Variants in ARHGAP8 observed in about 807,000 individuals in gnomAD.
The protein encoded by ARHGAP8 is Rho GTPase activating protein 8, also known as rho GTPase-activating protein 8.
ARHGAP8 carries 62 observed loss-of-function variants against 46.1 expected under a neutral mutation model. That is an observed-to-expected ratio of 1.34 (90% CI 1.10 to 1.66). The LOEUF is 1.66. Ranked by LOEUF, ARHGAP8 falls within the 40% of genes most tolerant of loss-of-function variation. ARHGAP8 has a pLI of 0.00. For missense variants in ARHGAP8, 923 were observed against 568.4 expected (o/e 1.62, Z -6.34); for synonymous variants, 375 against 243.1 (o/e 1.54, Z -5.05).
chr22:44,807,702 G>T, intron 3 of ARHGAP8, among the ~76,000 whole-genome samples: 1 of 152,228 alleles, frequency 6.6e-6, no homozygotes, highest in East Asian at 1.9e-4. Flanking sequence ...AGTTCTGGAT[G>T]CCAGAAGTTC....
chr22:44,769,627 T>C (rs1258088577), intron 1 of ARHGAP8, among the ~76,000 whole-genome samples: 1 of 152,210 alleles, frequency 6.6e-6, no homozygotes, highest in Admixed American at 6.5e-5. Flanking sequence ...CCCTTTACTT[T>C]TTTTCAACAA....
intron 11 of ARHGAP8, among the ~76,000 whole-genome samples, chr22:44,861,944 G>C (rs553131981): frequency 6.6e-6 from 1 of 152,286 alleles, no homozygotes; most frequent in South Asian, 2.1e-4. Context: ...AGGTCACCAA[G>C]TTCGTACCGT....
intron 1 of ARHGAP8, among the ~76,000 whole-genome samples, chr22:44,772,975 T>C (rs1396557798): frequency 6.6e-6 from 1 of 152,084 alleles, no homozygotes; most frequent in Non-Finnish European, 1.5e-5. Flanking sequence ...TGCACTACCA[T>C]GCCCAGCTAA....
chr22:44,833,695 T>C (rs1220795497), intron 7 of ARHGAP8, among the ~76,000 whole-genome samples: 1 of 152,220 alleles, frequency 6.6e-6, no homozygotes, highest in African/African-American at 2.4e-5. Context: ...AAGTGTTTCC[T>C]CCTCTTCTAT....
intron 2 of ARHGAP8, among the ~76,000 whole-genome samples, chr22:44,795,869 G>A (rs1389003856): frequency 6.6e-6 from 1 of 152,016 alleles, no homozygotes. Flanking sequence ...CACCCCAGGT[G>A]GCACCGCAGC....
chr22:44,856,307 T>C (rs1306601740), intron 10 of ARHGAP8, among the ~76,000 whole-genome samples: 1 of 133,064 alleles, frequency 7.5e-6, no homozygotes, highest in African/African-American at 2.9e-5. Flanking sequence ...AGTCTCACTC[T>C]GTTGCCCAGG....
intron 1 of ARHGAP8, among the ~76,000 whole-genome samples, chr22:44,761,541 A>G (rs1925132880): frequency 6.6e-6 from 1 of 152,192 alleles, no homozygotes; most frequent in Admixed American, 6.5e-5. Flanking sequence ...ATATTTCAGC[A>G]GGGGCTTGAG....
rs546867509 is a variant in ARHGAP8 at position 44,796,873 on chromosome 22, A to C, written c.80-5204A>C. 2.6e-5 allele frequency among the ~76,000 whole-genome samples: 4 copies of C among 152,214 alleles called. No homozygotes were observed. The South Asian group carries it at 8.3e-4, about 31-fold the overall frequency. ...TGTAGGAACCCCTAGATTTGTAGGC[A>C]GCTTGTCAGATGCGTGGGTGGCCTT... On this transcript the variant is annotated intron_variant, in intron 2 of 11. Transcript: ENST00000356099.
intron 1 of ARHGAP8, chr22:44,766,005 A>T (rs1925529166): frequency 6.6e-6 from 1 of 152,282 alleles, no homozygotes; most frequent in African/African-American, 2.4e-5. Flanking sequence ...CGCCTGGAGA[A>T]GGCAGGCCCA....
intron 7 of ARHGAP8, among the ~76,000 whole-genome samples, chr22:44,831,498 C>G (rs934834937): frequency 4.6e-5 from 7 of 150,664 alleles, no homozygotes; most frequent in Non-Finnish European, 8.9e-5. Flanking sequence ...GAGTTCAAGA[C>G]CAGCCTTACC....
At chr22:44,811,974 G>A (rs1240237650) in intron 4 of ARHGAP8, among the ~76,000 whole-genome samples, 1 of 148,570 alleles carries the variant, frequency 6.7e-6, no homozygotes, top group East Asian at 2.0e-4. Context: ...TCCATCCTGG[G>A]CAACAGAGTG....
chr22:44,759,533 G>C lies in ARHGAP8; in HGVS notation c.-72+6906G>C, dbSNP rs561880201. Among the ~76,000 whole-genome samples the C allele has an allele frequency of 7.2e-5, 11 of 152,344 alleles. No individual in the cohort carries two copies. In the South Asian group the frequency reaches 1.5e-3, roughly 20 times the overall value. On this transcript the variant is annotated intron_variant, in intron 1 of 11. Transcript: ENST00000356099. ...GAGATCAGGTGTGGCTTGATCAGGGGTTAGCTATTCCCTTCATTCTCTGTG... is the reference window on the plus strand; with the variant it reads ...GAGATCAGGTGTGGCTTGATCAGGGCTTAGCTATTCCCTTCATTCTCTGTG...
At chr22:44,791,148 A>G (rs1011190302) in intron 2 of ARHGAP8, among the ~76,000 whole-genome samples, 1 of 151,098 alleles carries the variant, frequency 6.6e-6, no homozygotes, top group Non-Finnish European at 1.5e-5. Flanking sequence ...ACTAATTGGA[A>G]CAAGAGGACC....
intron 7 of ARHGAP8, among the ~76,000 whole-genome samples, chr22:44,842,597 C>G (rs1470898337): frequency 6.6e-6 from 1 of 152,118 alleles, no homozygotes. Context: ...AGAGGAAAGT[C>G]CCTCATCCTA....
chr22:44,862,091 G>C (rs1359186444), intron 11 of ARHGAP8, among the ~76,000 whole-genome samples, 184 bp from the exon 12 acceptor site: 1 of 152,190 alleles, frequency 6.6e-6, no homozygotes, highest in Non-Finnish European at 1.5e-5. Flanking sequence ...CTTCCTTTTA[G>C]AGATAGGGTA....
At chr22:44,858,262 G>C (rs866437057) in intron 10 of ARHGAP8, among the ~76,000 whole-genome samples, 3 of 152,174 alleles carry the variant, frequency 2.0e-5, no homozygotes, top group African/African-American at 2.4e-5. Context: ...GGAGGATGTG[G>C]GTACACAGTA....
At chr22:44,824,639 T>C (rs915775426) in intron 6 of ARHGAP8, among the ~76,000 whole-genome samples, 19 of 150,430 alleles carry the variant, frequency 1.3e-4, no homozygotes, top group Non-Finnish European at 2.5e-4. Flanking sequence ...CTTTTCTTTT[T>C]TTTTTTTTTT....
At chr22:44,808,176 T>G (rs902760911) in intron 3 of ARHGAP8, 131 bp from the exon 4 acceptor site, 14 of 1,388,908 alleles carry the variant, frequency 1.0e-5, no homozygotes, top group Non-Finnish European at 1.4e-5. Context: ...GGGCCCACGG[T>G]GCATGGAGTC....
intron 11 of ARHGAP8, 121 bp from the exon 12 acceptor site, chr22:44,862,154 C>T (rs546943279): frequency 1.2e-4 from 142 of 1,228,434 alleles, no homozygotes; most frequent in East Asian, 4.9e-4. Flanking sequence ...TACTGGCTGC[C>T]GGCTCCCAGT....
Sources: allele counts gnomAD v4.1 joint callset (sites outside exome capture counted in the v4.1 genomes callset), GRCh38; gene constraint gnomAD v4.1.1; transcripts MANE v1.5; gene names NCBI Gene and HGNC (gene_info 2026-07-23, HGNC 2026-07-21).